Variants in IQCH observed in about 807,000 individuals in gnomAD.
IQCH encodes the protein IQ motif containing H, also known as IQ domain-containing protein H.
Under a neutral mutation model 117.0 loss-of-function variants are expected in IQCH, and 98 were observed. That is an observed-to-expected ratio of 0.84 (90% confidence interval 0.71 to 0.99). IQCH has a LOEUF of 0.99. Ranked by LOEUF, IQCH falls within the 50% of genes least tolerant of loss-of-function variation. The pLI is 0.00. For synonymous variants in IQCH, 412 were observed against 448.2 expected, an observed-to-expected ratio of 0.92 and a Z score of 1.02; for missense variants, 1,102 against 1,243.8, an observed-to-expected ratio of 0.89 and a Z score of 1.72.
At chr15:67,399,439 C>G (rs575630454) in intron 13 of IQCH, among the ~76,000 whole-genome samples, 3 of 141,338 alleles carry the variant, frequency 2.1e-5, no homozygotes, top group African/African-American at 8.0e-5. Flanking sequence ...CCTTAAGCTC[C>G]CATGTGTTTG....
At chr15:67,484,308 AG>A (rs2083415175) in intron 18 of IQCH, among the ~76,000 whole-genome samples, 2 of 151,992 alleles carry the variant, frequency 1.3e-5, no homozygotes, top group Non-Finnish European at 2.9e-5. Context: ...TGGAAGGCTG[AG>A]GTGGGAGAAT....
chr15:67,327,096 C>T (rs903435682), intron 4 of IQCH, among the ~76,000 whole-genome samples: 5 of 151,948 alleles, frequency 3.3e-5, no homozygotes, highest in East Asian at 1.9e-4. Context: ...AATGGAGGCT[C>T]GCTGTAGGAA....
intron 10 of IQCH, among the ~76,000 whole-genome samples, chr15:67,377,914 C>T (rs865929374): frequency 6.6e-6 from 1 of 152,062 alleles, no homozygotes; most frequent in Non-Finnish European, 1.5e-5. Context: ...GGGGTTAAAA[C>T]AAGTAGTGGT....
At chr15:67,313,202 C>T (rs1967684373) in intron 4 of IQCH, among the ~76,000 whole-genome samples, 1 of 151,952 alleles carries the variant, frequency 6.6e-6, no homozygotes, top group South Asian at 2.1e-4. Context: ...TTATGGTTGG[C>T]AACTAAGAGG....
intron 2 of IQCH, among the ~76,000 whole-genome samples, chr15:67,261,621 G>C (rs1310028823): frequency 6.6e-6 from 1 of 152,180 alleles, no homozygotes; most frequent in Non-Finnish European, 1.5e-5. Context: ...AGATTATGCA[G>C]TGACAACTCC....
chr15:67,318,269 C>T (rs1479264784), intron 4 of IQCH, among the ~76,000 whole-genome samples: 2 of 151,820 alleles, frequency 1.3e-5, no homozygotes, highest in Admixed American at 1.3e-4. Context: ...CTCTTTCTTT[C>T]TCTTCTCCCT....
chr15:67,255,193 G>T, intron 1 of IQCH: 1 of 562,246 alleles, frequency 1.8e-6, no homozygotes, highest in Non-Finnish European at 3.2e-6. Context: ...CTCTAAAACC[G>T]TTCACCCGGA....
chr15:67,287,194 A>G (rs1190819959), intron 4 of IQCH, among the ~76,000 whole-genome samples: 3 of 152,134 alleles, frequency 2.0e-5, no homozygotes. Context: ...AGATTTTTGC[A>G]TTAATATTCA....
chr15:67,437,070 G>A (rs557772149), intron 16 of IQCH, among the ~76,000 whole-genome samples: 11 of 152,202 alleles, frequency 7.2e-5, no homozygotes, highest in African/African-American at 1.9e-4. Flanking sequence ...TCTGGAAAGC[G>A]CCACGTCCTG....
rs981555767 is a variant in IQCH at position 67,475,585 on chromosome 15, G to T, written c.2677-111G>T. On this transcript the variant is annotated intron_variant, in intron 17 of 20. Coordinates refer to ENST00000335894, the MANE Select transcript of IQCH (RefSeq NM_001031715.3). This position sits in a 1 kb window ranked among gnomAD's most constrained non-coding sequence, Gnocchi z 5.7. ...AACAATAGGAGAACTGGGTGTGGGG[G>T]ATATAGGAACTCTCAGAATTATCTT... 7.0e-6 allele frequency: 6 copies of T among 854,910 alleles called. No individual in the cohort carries two copies. The African/African-American group carries it at 8.4e-5, about 12-fold the overall frequency. 53.0% of individuals were successfully genotyped at this position (854,910 alleles called of 1,614,324 possible). A position where few individuals can be genotyped will look rare whatever the true frequency, so the allele number is the denominator to read the frequency against.
intron 4 of IQCH, among the ~76,000 whole-genome samples, chr15:67,296,122 C>G (rs1359900474): frequency 2.0e-5 from 3 of 152,188 alleles, no homozygotes; most frequent in African/African-American, 4.8e-5. Context: ...TCCACATGGG[C>G]AGGGACTTCG....
At chr15:67,357,961 C>T (rs920671478) in intron 7 of IQCH, among the ~76,000 whole-genome samples, 5 of 151,386 alleles carry the variant, frequency 3.3e-5, no homozygotes, top group African/African-American at 7.3e-5. Context: ...TGGGTTCAAG[C>T]GATTCTCACG....
chr15:67,263,491 T>G (rs1965542292), intron 3 of IQCH, among the ~76,000 whole-genome samples: 1 of 151,290 alleles, frequency 6.6e-6, no homozygotes, highest in Non-Finnish European at 1.5e-5. Context: ...TTATGCAGAT[T>G]AAAAAAAAAT....
At position 67,433,374 on chromosome 15, in the gene IQCH, T is replaced by A. The variant is rs990437665; in HGVS notation, c.2505+11797T>A. Among the ~76,000 whole-genome samples the A allele has an allele frequency of 6.6e-6, 1 of 152,242 alleles. No individual in the cohort carries two copies. The highest frequency in any genetic ancestry group is 1.5e-5 in the Non-Finnish European group (1 of 68,044). ...GGTAAACTAGTGGCCAACTTTGCTA[T>A]GTATATATTACCATTTGTGACTGTC... On this transcript the variant is annotated intron_variant, in intron 16 of 20. Coordinates refer to ENST00000335894, the MANE Select transcript of IQCH (RefSeq NM_001031715.3). This position sits in a 1 kb window ranked among gnomAD's most constrained non-coding sequence, Gnocchi z 5.4.
chr15:67,467,361 T>C lies in IQCH; in HGVS notation c.2676+2064T>C, dbSNP rs902667297. Among the ~76,000 whole-genome samples the C allele has an allele frequency of 7.2e-5, 11 of 152,220 alleles. No homozygotes were observed. The highest frequency in any genetic ancestry group is 7.2e-4 in the Admixed American group (11 of 15,276). ...GCTTTGAGTGAGAAGCACTCTTCCA[T>C]TTTCCCCATGTTGCCTATAGGTTTC... On this transcript the variant is annotated intron_variant, in intron 17 of 20. Transcript: ENST00000335894. This position sits in a 1 kb window ranked among gnomAD's most constrained non-coding sequence, Gnocchi z 5.7.
At chr15:67,332,807 A>G (rs1260256085) in intron 4 of IQCH, among the ~76,000 whole-genome samples, 1 of 152,216 alleles carries the variant, frequency 6.6e-6, no homozygotes, top group African/African-American at 2.4e-5. Flanking sequence ...CATTTTTCAG[A>G]GTCAACTTTA....
intron 4 of IQCH, among the ~76,000 whole-genome samples, chr15:67,333,741 C>A (rs1968771421): frequency 6.6e-6 from 1 of 152,146 alleles, no homozygotes; most frequent in Admixed American, 6.5e-5. Flanking sequence ...CTTCTTTAAG[C>A]TTTTCTATAT....
rs951977296 is a variant in IQCH at position 67,365,098 on chromosome 15, C to T, written c.753+5213C>T. Among the ~76,000 whole-genome samples the T allele has an allele frequency of 1.3e-5, 2 of 152,130 alleles. No homozygotes were observed. Among genetic ancestry groups the T allele is most frequent in the Non-Finnish European group, 2.9e-5 (2 of 68,012 alleles). On this transcript the variant is annotated intron_variant, in intron 8 of 20. Transcript: ENST00000335894. The surrounding 1 kb of genome is among the most constrained non-coding windows in gnomAD (Gnocchi z 4.4). ...CTGGGACTACAGGCATATGCCACCA[C>T]GCCCAGCTAATTTTTCTGGCATTTC...
At chr15:67,327,651 T>A (rs938891688) in intron 4 of IQCH, among the ~76,000 whole-genome samples, 4 of 152,220 alleles carry the variant, frequency 2.6e-5, no homozygotes, top group African/African-American at 7.2e-5. Context: ...TGCTGATTCT[T>A]ATTCAAGTAG....
Sources: gnomAD v4.1 joint callset for allele counts (sites outside exome capture counted in the v4.1 genomes callset) on GRCh38, gnomAD v4.1.1 for gene constraint, Gnocchi (gnomAD v3.1) non-coding constraint, MANE v1.5 for transcripts, NCBI Gene and HGNC (gene_info 2026-07-23, HGNC 2026-07-21) for gene names.